Variants in SPEF2 observed in about 807,000 individuals in gnomAD.
The protein encoded by SPEF2 is sperm flagellar and cilia associated 2, also known as sperm flagella and cilia-associated protein 2.
Under a neutral mutation model 224.6 loss-of-function variants are expected in SPEF2, and 187 were observed. That is an observed-to-expected ratio of 0.83 (90% CI 0.74 to 0.94). SPEF2 has a LOEUF of 0.94. Ranked by LOEUF, SPEF2 falls within the 40% of genes least tolerant of loss-of-function variation. The probability of loss-of-function intolerance (pLI) is 0.00; values close to 1 mark genes in which losing one functional copy is unlikely to be tolerated. For synonymous variants in SPEF2, 715 were observed against 707.3 expected (o/e 1.01, Z -0.17); for missense variants, 2,170 against 2,135.6 (o/e 1.02, Z -0.32).
At chr5:35,758,846 A>G (rs1750810253) in intron 24 of SPEF2, among the ~76,000 whole-genome samples, 1 of 151,902 alleles carries the variant, frequency 6.6e-6, no homozygotes, top group Non-Finnish European at 1.5e-5. Flanking sequence ...TCTCTACTAA[A>G]TATATAAATA....
rs569103364 is a variant in SPEF2, at chr5:35,760,443, A to G, written c.3620+724A>G. On this transcript the variant is annotated intron_variant, in intron 25 of 36. Coordinates refer to ENST00000356031, the MANE Select transcript of SPEF2 (RefSeq NM_024867.4). The stretch of plus-strand genomic sequence containing the variant: ...TGTGTGTGTGTACCTATTGTATTAT[A>G]TAAATGAAAATGAAAATGGAAGGTG... Among the ~76,000 whole-genome samples the G allele has an allele frequency of 7.2e-4, 109 of 152,278 alleles. 1 individual carries two copies. The South Asian group carries it at 7.5e-3, about 10-fold the overall frequency.
intron 20 of SPEF2, among the ~76,000 whole-genome samples, chr5:35,724,620 A>C (rs1580457437): frequency 6.6e-6 from 1 of 152,330 alleles, no homozygotes; most frequent in Non-Finnish European, 1.5e-5. Context: ...CTGAAATTCT[A>C]GCTCTGCCAT....
At chr5:35,787,760 T>G in intron 30 of SPEF2, 1 of 526,006 alleles carries the variant, frequency 1.9e-6, no homozygotes, top group East Asian at 2.9e-5. Flanking sequence ...AAGCACTCCA[T>G]AAAATTTTTC....
chr5:35,731,360 C>G lies in SPEF2; in HGVS notation c.3063+3537C>G, dbSNP rs115080549. 2.5e-3 allele frequency among the ~76,000 whole-genome samples: 377 copies of G among 152,272 alleles called. 1 individual carries two copies. Among genetic ancestry groups the G allele is most frequent in the Non-Finnish European group, 4.5e-3 (309 of 68,012 alleles). On this transcript the variant is annotated intron_variant, in intron 21 of 36. Transcript: ENST00000356031. ...GAAATATTTTTATAACTGGAAGAAA[C>G]AGACAAGCACACAAACACTTTTTAG...
intron 10 of SPEF2, chr5:35,675,557 C>G (rs1300013430): frequency 7.2e-6 from 1 of 139,082 alleles, no homozygotes; most frequent in Admixed American, 7.8e-5. Context: ...GAGAGGGAGT[C>G]TCGCTCTCGC....
chr5:35,714,774 G>C (rs947732811), intron 20 of SPEF2, among the ~76,000 whole-genome samples: 13 of 151,136 alleles, frequency 8.6e-5, no homozygotes, highest in Non-Finnish European at 2.9e-5. Context: ...AAATTAATCT[G>C]GTGGCATTGC....
At chr5:35,693,528 G>T (rs1754837437) in intron 12 of SPEF2, among the ~76,000 whole-genome samples, 1 of 152,100 alleles carries the variant, frequency 6.6e-6, no homozygotes, top group Admixed American at 6.6e-5. Flanking sequence ...GGGTGGAGGG[G>T]TGAATAGGAA....
chr5:35,735,306 G>A (rs1332943896), intron 21 of SPEF2, among the ~76,000 whole-genome samples: 6 of 152,294 alleles, frequency 3.9e-5, no homozygotes, highest in Non-Finnish European at 7.4e-5. Flanking sequence ...CATGTATCCT[G>A]AATCCCAGTC....
chr5:35,770,756 C>T (rs1289281149), intron 26 of SPEF2, among the ~76,000 whole-genome samples: 3 of 152,110 alleles, frequency 2.0e-5, no homozygotes, highest in Non-Finnish European at 2.9e-5. Context: ...TTCCTGACCC[C>T]GTGGGTGGGA....
chr5:35,753,052 A>T (rs1478836899), intron 23 of SPEF2, among the ~76,000 whole-genome samples: 1 of 151,050 alleles, frequency 6.6e-6, no homozygotes, highest in Non-Finnish European at 1.5e-5. Context: ...GTTATAAATT[A>T]TTATGTTTAT....
At chr5:35,664,791 G>A (rs1003315699) in intron 8 of SPEF2, among the ~76,000 whole-genome samples, 49 of 141,166 alleles carry the variant, frequency 3.5e-4, no homozygotes, top group Non-Finnish European at 5.2e-4. Flanking sequence ...AAAGAGGGAG[G>A]GAGAGAGAGG....
intron 10 of SPEF2, chr5:35,670,505 CT>C (rs1751089889): frequency 9.5e-7 from 1 of 1,057,762 alleles, no homozygotes. Context: ...TTTTAAAATG[CT>C]TTAATTTATT....
At chr5:35,713,790 G>GTATATAGTATATATATTATATATAGTA (rs1561246915) in intron 20 of SPEF2, among the ~76,000 whole-genome samples, 29 of 46,084 alleles carry the variant, frequency 6.3e-4, no homozygotes, top group Non-Finnish European at 8.3e-4. Context: ...TATATATAGT[G>GTATATAGTATATATATTATATATAGTA]TTATATATTT....
chr5:35,787,437 T>C (rs145157689), intron 30 of SPEF2, among the ~76,000 whole-genome samples: 2 of 152,280 alleles, frequency 1.3e-5, no homozygotes, highest in East Asian at 3.9e-4. Flanking sequence ...CATGTCACTC[T>C]TATGTATGGA....
At chr5:35,724,642 G>A (rs898840539) in intron 20 of SPEF2, among the ~76,000 whole-genome samples, 6 of 152,092 alleles carry the variant, frequency 3.9e-5, no homozygotes, top group Admixed American at 3.9e-4. Flanking sequence ...TACCATATAT[G>A]GGTTACCTCT....
At chr5:35,720,240 C>A (rs376959276) in intron 20 of SPEF2, among the ~76,000 whole-genome samples, 1 of 152,202 alleles carries the variant, frequency 6.6e-6, no homozygotes, top group Non-Finnish European at 1.5e-5. Context: ...ACCTTGCTTA[C>A]TCCTTAATTA....
At chr5:35,772,789 C>G (rs556094406) in intron 27 of SPEF2, among the ~76,000 whole-genome samples, 1 of 152,294 alleles carries the variant, frequency 6.6e-6, no homozygotes, top group Admixed American at 6.5e-5. Context: ...GATGATAAAA[C>G]AGAAATCCAG....
At chr5:35,657,217 G>T (rs902022849) in intron 7 of SPEF2, among the ~76,000 whole-genome samples, 1 of 152,166 alleles carries the variant, frequency 6.6e-6, no homozygotes, top group African/African-American at 2.4e-5. Context: ...TAGCTTTCAA[G>T]TTGTTCCAGT....
At chr5:35,767,308 G>A (rs965831096) in intron 26 of SPEF2, among the ~76,000 whole-genome samples, 1 of 151,760 alleles carries the variant, frequency 6.6e-6, no homozygotes, top group African/African-American at 2.4e-5. Context: ...CTTTTGTTTT[G>A]TAAATTATAC....
Sources: gnomAD v4.1 joint callset for allele counts (sites outside exome capture counted in the v4.1 genomes callset) on GRCh38, gnomAD v4.1.1 for gene constraint, MANE v1.5 for transcripts, NCBI Gene and HGNC (gene_info 2026-07-23, HGNC 2026-07-21) for gene names.